CHODL: variants seen among roughly 807,000 people sequenced by gnomAD.
CHODL encodes transmembrane protein MT75.
A neutral mutation model predicts 34.5 loss-of-function variants in CHODL; 29 were observed. The observed-to-expected ratio is 0.84, with a 90% CI of 0.63 to 1.15. The LOEUF (loss-of-function observed/expected upper bound fraction) is 1.15. CHODL is among the 50% of genes most tolerant of loss of function. The pLI, the probability that CHODL is intolerant of heterozygous loss-of-function variation, is 0.00. For synonymous variants in CHODL, 125 were observed against 116.1 expected, an observed-to-expected ratio of 1.08 and a Z score of -0.49; for missense variants, 332 against 332.5, an observed-to-expected ratio of 1.00 and a Z score of 0.01.
intron 1 of CHODL, among the ~76,000 whole-genome samples, chr21:18,013,309 G>T: frequency 6.8e-6 from 1 of 146,746 alleles, no homozygotes. Flanking sequence ...TTTTTTTCTA[G>T]GATACAACTT....
chr21:18,137,706 T>C lies in CHODL; in HGVS notation c.-45+109735T>C, dbSNP rs544049219. ...TTGCCTGGAAAGTGAAAACACATTTTATTTTTTAAAAATAACAACGATGGT... is the reference window on the plus strand; with the variant it reads ...TTGCCTGGAAAGTGAAAACACATTTCATTTTTTAAAAATAACAACGATGGT... On this transcript the variant is annotated intron_variant, in intron 2 of 6. Coordinates refer to the CHODL transcript ENST00000400127. 7.9e-5 allele frequency among the ~76,000 whole-genome samples: 12 copies of C among 152,314 alleles called. No homozygotes were observed. The South Asian group carries it at 1.9e-3, about 24-fold the overall frequency.
At chr21:17,990,400 C>T (rs2063787697) in intron 1 of CHODL, among the ~76,000 whole-genome samples, 1 of 152,010 alleles carries the variant, frequency 6.6e-6, no homozygotes, top group African/African-American at 2.4e-5. Flanking sequence ...ATTTTCCTGT[C>T]AATTCTGCCA....
chr21:18,069,283 G>A (rs1410987390), intron 2 of CHODL, among the ~76,000 whole-genome samples: 3 of 152,114 alleles, frequency 2.0e-5, no homozygotes, highest in Non-Finnish European at 4.4e-5. Flanking sequence ...ACAGGAGTGT[G>A]CTGCCTAAAA....
At chr21:18,135,555 C>T (rs1217158789) in intron 2 of CHODL, among the ~76,000 whole-genome samples, 1 of 152,058 alleles carries the variant, frequency 6.6e-6, no homozygotes, top group African/African-American at 2.4e-5. Flanking sequence ...CTGGTCAATC[C>T]CTTCTCCTAT....
At chr21:17,957,902 A>G (rs2063504820) in intron 1 of CHODL, among the ~76,000 whole-genome samples, 1 of 151,538 alleles carries the variant, frequency 6.6e-6, no homozygotes, top group East Asian at 1.9e-4. Flanking sequence ...TTCTTTATAA[A>G]TACCCCTCAG....
intron 1 of CHODL, among the ~76,000 whole-genome samples, chr21:17,977,364 C>CT (rs542807552): frequency 0.41 from 55,300 of 134,038 alleles, 11,812 homozygotes; most frequent in East Asian, 0.6. Flanking sequence ...GGCTGTTTTA[C>CT]TTTTTTTTTT....
chr21:17,935,590 A>G lies in CHODL; in HGVS notation c.-145+18190A>G, dbSNP rs1026340556. Reference sequence around the variant, plus strand: ...ATTTAAGTGACAAATGTCAAGAATTATCTTTTTTAACAAAATACATTCAAT... The same window carrying G: ...ATTTAAGTGACAAATGTCAAGAATTGTCTTTTTTAACAAAATACATTCAAT... On this transcript the variant is annotated intron_variant, in intron 1 of 6. Coordinates refer to the CHODL transcript ENST00000400127. Among the ~76,000 whole-genome samples the G allele has an allele frequency of 2.6e-5, 4 of 152,252 alleles. No homozygotes were observed. In the East Asian group the frequency reaches 7.7e-4, roughly 29 times the overall value.
chr21:18,027,466 A>G (rs561873570), intron 1 of CHODL, among the ~76,000 whole-genome samples: 38 of 152,304 alleles, frequency 2.5e-4, no homozygotes, highest in African/African-American at 8.9e-4. Flanking sequence ...CTGTAGTTAC[A>G]CAGAAGAATC....
At chr21:17,961,611 G>T (rs2063532712) in intron 1 of CHODL, among the ~76,000 whole-genome samples, 1 of 152,192 alleles carries the variant, frequency 6.6e-6, no homozygotes, top group African/African-American at 2.4e-5. Flanking sequence ...GAGAGAAAAA[G>T]TCTGATTTAC....
At chr21:18,246,062 ACT>A in intron 1 of CHODL, 6 of 828,776 alleles carry the variant, frequency 7.2e-6, no homozygotes, top group Non-Finnish European at 1.2e-5. Context: ...TCTTTTTTTG[ACT>A]CTCACTGTCC....
At chr21:17,979,008 C>T (rs1301974336) in intron 1 of CHODL, among the ~76,000 whole-genome samples, 1 of 152,154 alleles carries the variant, frequency 6.6e-6, no homozygotes, top group Non-Finnish European at 1.5e-5. Context: ...CTTTCCTTTG[C>T]TTTCCTCTTC....
chr21:18,123,339 A>G (rs2065503553), intron 2 of CHODL, among the ~76,000 whole-genome samples: 1 of 152,104 alleles, frequency 6.6e-6, no homozygotes, highest in Admixed American at 6.5e-5. Context: ...GGTTCCCCAG[A>G]CAAACAAACC....
intron 1 of CHODL, among the ~76,000 whole-genome samples, chr21:17,972,729 A>G (rs911652702): frequency 5.9e-5 from 9 of 152,240 alleles, no homozygotes; most frequent in Non-Finnish European, 1.2e-4. Flanking sequence ...AAAGTAATTT[A>G]TAGATTCAAT....
Position 18,194,783 on chromosome 21 carries a change from T to C in CHODL, c.-44-61726T>C, listed in dbSNP as rs530231922. On this transcript the variant is annotated intron_variant, in intron 2 of 6. Transcript: ENST00000400127. ...TTGTGGGAAATTTAAGATCTATTCC[T>C]TAGGAATTTTCGAGTATTCAATACA... Among the ~76,000 whole-genome samples the C allele has an allele frequency of 9.2e-5, 14 of 152,180 alleles. No homozygotes were observed. The South Asian group carries it at 2.5e-3, about 27-fold the overall frequency.
In CHODL at chr21:18,094,769, C is replaced by T. The variant is rs563951942; in HGVS notation, c.-45+66798C>T. Among the ~76,000 whole-genome samples the T allele has an allele frequency of 8.3e-5, 12 of 143,874 alleles. 1 individual carries two copies. Among genetic ancestry groups the T allele is most frequent in the African/African-American group, 2.7e-4 (11 of 40,014 alleles). The allele number at this position is 143,874 out of a possible 152,430, so 94.4% of individuals were successfully genotyped here. A position where few individuals can be genotyped will look rare whatever the true frequency, so the allele number is the denominator to read the frequency against. ...AAAAAAAAAAAAAAGCTTAAATAACCTAATAGCACATCTTAATAAACTGGA... is the reference window on the plus strand; with the variant it reads ...AAAAAAAAAAAAAAGCTTAAATAACTTAATAGCACATCTTAATAAACTGGA... On this transcript the variant is annotated intron_variant, in intron 2 of 6. Transcript: ENST00000400127.
chr21:18,148,588 T>C (rs997385415), intron 2 of CHODL, among the ~76,000 whole-genome samples: 4 of 152,152 alleles, frequency 2.6e-5, no homozygotes, highest in African/African-American at 9.7e-5. Context: ...ATTTATGAGG[T>C]GTGAGGTCAC....
chr21:18,250,537 T>C (rs1180004349), intron 1 of CHODL, among the ~76,000 whole-genome samples: 1 of 151,838 alleles, frequency 6.6e-6, no homozygotes, highest in Non-Finnish European at 1.5e-5. Context: ...CATTATAAAA[T>C]CTCTGTTGTA....
At chr21:18,108,601 C>G (rs986097274) in intron 2 of CHODL, among the ~76,000 whole-genome samples, 2 of 152,120 alleles carry the variant, frequency 1.3e-5, no homozygotes, top group Admixed American at 1.3e-4. Flanking sequence ...GGGAACACAC[C>G]TGATACCTTG....
intron 2 of CHODL, among the ~76,000 whole-genome samples, chr21:18,160,883 C>T (rs1305988118): frequency 6.6e-6 from 1 of 152,076 alleles, no homozygotes; most frequent in Non-Finnish European, 1.5e-5. Context: ...GTATTTCTGT[C>T]TTTAGGTCTT....
Sources: allele counts gnomAD v4.1 joint callset (sites outside exome capture counted in the v4.1 genomes callset), GRCh38; gene constraint gnomAD v4.1.1; transcripts MANE v1.5; gene names NCBI Gene and HGNC (gene_info 2026-07-23, HGNC 2026-07-21).